The following DGKH variants were observed in gnomAD, a reference collection of about 807,000 sequenced individuals.
The protein encoded by DGKH is DAG kinase eta.
DGKH carries 90 observed loss-of-function variants against 159.3 expected under a neutral mutation model. That is an observed-to-expected ratio of 0.57 (90% CI 0.48 to 0.67). DGKH has a LOEUF of 0.67. Among genes scored for constraint, DGKH ranks in the 30% least tolerant of loss-of-function variants. DGKH has a pLI of 0.00. For missense variants in DGKH, 1,181 were observed against 1,506.1 expected (o/e 0.78, Z 3.57); for synonymous variants, 536 against 553.8 (o/e 0.97, Z 0.45).
intron 1 of DGKH, among the ~76,000 whole-genome samples, chr13:42,050,837 A>G (rs7328606): frequency 0.37 from 55,429 of 147,880 alleles, 11,027 homozygotes; most frequent in African/African-American, 0.55. Flanking sequence ...AACCTGGGCA[A>G]TGAAGCGAGA....
Position 42,158,164 on chromosome 13 carries a change from T to TA in DGKH, c.623-1101dup, listed in dbSNP as rs531591191. On this transcript the variant is annotated intron_variant, in intron 5 of 29. Transcript: ENST00000337343. ...TTTGAACATTTGGCTAAAGACATCT[T>TA]AGTTATTTTACCTGAAACTTTTGTT... Among the ~76,000 whole-genome samples the TA allele has an allele frequency of 1.8e-4, 27 of 152,348 alleles. No homozygotes were observed. In the East Asian group the frequency reaches 2.7e-3, roughly 15 times the overall value.
intron 1 of DGKH, among the ~76,000 whole-genome samples, chr13:42,084,792 A>T (rs1238881801): frequency 1.3e-5 from 2 of 152,040 alleles, no homozygotes; most frequent in African/African-American, 4.8e-5. Context: ...TGGCAAAATG[A>T]CAAGGACTTT....
chr13:42,194,517 GAT>G (rs1406114040), intron 16 of DGKH, among the ~76,000 whole-genome samples: 1 of 152,182 alleles, frequency 6.6e-6, no homozygotes, highest in Non-Finnish European at 1.5e-5. Context: ...TCATTCACTT[GAT>G]ATTTATGAGA....
chr13:42,192,050 A>G (rs1957083970), intron 16 of DGKH, among the ~76,000 whole-genome samples: 1 of 152,190 alleles, frequency 6.6e-6, no homozygotes, highest in South Asian at 2.1e-4. Context: ...TGCCTAGAAT[A>G]GTGTCTGGTA....
chr13:42,222,319 T>C (rs1227150464), intron 29 of DGKH, among the ~76,000 whole-genome samples: 1 of 152,214 alleles, frequency 6.6e-6, no homozygotes, highest in African/African-American at 2.4e-5. Context: ...AACAAATTAA[T>C]GAACTGTTGT....
chr13:42,049,584 C>T (rs1463919571), intron 1 of DGKH, among the ~76,000 whole-genome samples: 2 of 152,224 alleles, frequency 1.3e-5, no homozygotes, highest in Non-Finnish European at 2.9e-5. Flanking sequence ...GCAAGTGGGA[C>T]ATGGTGTTCG....
intron 30 of DGKH, among the ~76,000 whole-genome samples, chr13:42,255,142 G>C (rs1358244380): frequency 6.6e-6 from 1 of 150,782 alleles, no homozygotes; most frequent in Non-Finnish European, 1.5e-5. Context: ...GACTGTGGTA[G>C]TCTCAATAAT....
intron 3 of DGKH, among the ~76,000 whole-genome samples, chr13:42,146,741 T>C (rs1465712631): frequency 4.6e-5 from 7 of 152,222 alleles, no homozygotes; most frequent in Admixed American, 3.9e-4. Context: ...ACAGAGCATA[T>C]AGTTGTTGTA....
Position 42,129,990 on chromosome 13 carries a change from T to A in DGKH, c.384+358T>A, listed in dbSNP as rs903530419. The stretch of plus-strand genomic sequence containing the variant: ...ATAATATTTTCTCCATGTAGCCTAC[T>A]TTCACTCCATTTCACCCCAGTTGCC... On this transcript the variant is annotated intron_variant, in intron 3 of 29. Transcript: ENST00000337343. 7.2e-5 allele frequency among the ~76,000 whole-genome samples: 11 copies of A among 152,362 alleles called. No individual in the cohort carries two copies. The East Asian group carries it at 1.3e-3, about 19-fold the overall frequency.
intron 1 of DGKH, among the ~76,000 whole-genome samples, chr13:42,075,238 A>G (rs750744432): frequency 2.7e-4 from 41 of 152,124 alleles, no homozygotes; most frequent in Non-Finnish European, 4.3e-4. Flanking sequence ...GTGGTGTTTG[A>G]AGGTGTAATA....
intron 2 of DGKH, 49 bp from the exon 3 acceptor site, chr13:42,129,503 T>A: frequency 2.7e-6 from 4 of 1,477,664 alleles, no homozygotes; most frequent in African/African-American, 1.4e-5. Context: ...TGAAGAGCAT[T>A]GAGTTAGGTT....
chr13:42,098,224 T>C (rs528738527), intron 1 of DGKH, among the ~76,000 whole-genome samples: 19 of 152,330 alleles, frequency 1.2e-4, no homozygotes, highest in South Asian at 6.2e-4. Flanking sequence ...CGGTGCCTCA[T>C]GCCTGTAATC....
At chr13:42,182,634 G>A (rs1594161279) in intron 13 of DGKH, among the ~76,000 whole-genome samples, 3 of 152,254 alleles carry the variant, frequency 2.0e-5, no homozygotes, top group East Asian at 3.9e-4. Context: ...CACATATTCA[G>A]TGTAGACAAA....
At position 42,093,011 on chromosome 13, in the gene DGKH, A is replaced by T. The variant is rs9566916; in HGVS notation, c.193-34452A>T. Among the ~76,000 whole-genome samples the T allele has an allele frequency of 1.7e-4, 26 of 152,242 alleles. No individual in the cohort carries two copies. The East Asian group carries it at 4.8e-3, about 28-fold the overall frequency. On this transcript the variant is annotated intron_variant, in intron 1 of 29. Coordinates refer to ENST00000337343, the MANE Select transcript of DGKH (RefSeq NM_178009.5). ...AAATCCCAGCACTTTTGGGAGGCCG[A>T]GGTGGGCAGATTGCTTGAGTCCAGG...
At chr13:42,083,390 A>G (rs529315096) in intron 1 of DGKH, among the ~76,000 whole-genome samples, 1 of 152,298 alleles carries the variant, frequency 6.6e-6, no homozygotes, top group African/African-American at 2.4e-5. Flanking sequence ...CCGCTTGTAA[A>G]ATGGTGACAT....
intron 1 of DGKH, among the ~76,000 whole-genome samples, chr13:42,110,587 A>ATTCATTCATTCAT (rs1954844377): frequency 5.3e-5 from 8 of 150,880 alleles, no homozygotes; most frequent in African/African-American, 2.0e-4. Flanking sequence ...TTGAAGGATA[A>ATTCATTCATTCAT]TCATTCATTC....
intron 12 of DGKH, among the ~76,000 whole-genome samples, 177 bp from the exon 13 acceptor site, chr13:42,177,958 G>A (rs182929029): frequency 5.2e-4 from 79 of 152,202 alleles, no homozygotes; most frequent in African/African-American, 1.4e-3. Context: ...TCCAGAAACC[G>A]AAAGCCTTTT....
At chr13:42,041,616 A>G (rs67646181) in intron 1 of DGKH, among the ~76,000 whole-genome samples, 21,579 of 151,990 alleles carry the variant, frequency 0.14, 1,740 homozygotes, top group Non-Finnish European at 0.19. Flanking sequence ...TGTTCCCTCA[A>G]ACTCCCTCAA....
chr13:42,098,864 T>C (rs1025609484), intron 1 of DGKH, among the ~76,000 whole-genome samples: 6 of 152,256 alleles, frequency 3.9e-5, no homozygotes, highest in African/African-American at 1.4e-4. Context: ...GAAAAATAAC[T>C]TTTAATATGA....
Sources: allele counts gnomAD v4.1 joint callset (sites outside exome capture counted in the v4.1 genomes callset), GRCh38; gene constraint gnomAD v4.1.1; transcripts MANE v1.5; gene names NCBI Gene and HGNC (gene_info 2026-07-23, HGNC 2026-07-21).